CD163L1: variants seen among roughly 807,000 people sequenced by gnomAD.
CD163L1 encodes the protein CD163 molecule like 1.
A neutral mutation model predicts 165.4 loss-of-function variants in CD163L1; 124 were observed. The ratio of observed to expected loss-of-function variants is 0.75; its 90% CI spans 0.65 to 0.87. CD163L1 has a LOEUF of 0.87. CD163L1 is among the 40% of genes least tolerant of loss of function. The probability of loss-of-function intolerance (pLI) is 0.00; values close to 1 mark genes in which losing one functional copy is unlikely to be tolerated. For synonymous variants in CD163L1, 585 were observed against 662.2 expected (o/e 0.88, Z 1.79); for missense variants, 1,525 against 1,799.9 (o/e 0.85, Z 2.76).
chr12:7,340,459 A>T, the CD163L1 span, among the ~76,000 whole-genome samples: 5 of 152,204 alleles, frequency 3.3e-5, no homozygotes. Context: ...TTATAGTGAG[A>T]ATATATAATT....
intron 4 of CD163L1, among the ~76,000 whole-genome samples, chr12:7,429,926 C>A (rs773207834): frequency 6.6e-6 from 1 of 152,316 alleles, no homozygotes; most frequent in African/African-American, 2.4e-5. Context: ...GCTCCCCAGT[C>A]TGAGTACCAG....
intron 19 of CD163L1, among the ~76,000 whole-genome samples, chr12:7,355,535 G>A (rs1322592026): frequency 1.3e-5 from 2 of 152,058 alleles, no homozygotes; most frequent in African/African-American, 4.8e-5. Context: ...GATTAATGAG[G>A]TTTAGACAGA....
chr12:7,363,567 A>G (rs1274522858), intron 18 of CD163L1, among the ~76,000 whole-genome samples: 1 of 152,004 alleles, frequency 6.6e-6, no homozygotes, highest in Non-Finnish European at 1.5e-5. Flanking sequence ...ACTCAAATAA[A>G]TAAAATCAGA....
At chr12:7,384,300 T>C (rs1947471004) in intron 8 of CD163L1, among the ~76,000 whole-genome samples, 1 of 152,048 alleles carries the variant, frequency 6.6e-6, no homozygotes, top group Non-Finnish European at 1.5e-5. Flanking sequence ...TGGGACACCA[T>C]AAGGTGACCA....
rs753347655 is a variant in CD163L1 at position 7,406,622 on chromosome 12, C to G, written c.997G>C (p.Gly333Arg). ...CAGTCCCAAAGAAAAGATTCATTAC[C>G]GGAGCAGGAGACACCATCAAGCCAT... ...VVWLDGVSCS[G>R]NESFLWDCRH... Residue 333 changes from glycine (G) to arginine (R), a missense_variant, in exon 5 of 20, where the codon GGT (glycine) becomes CGT (arginine). Coordinates refer to ENST00000313599, the MANE Select transcript of CD163L1 (RefSeq NM_174941.6). The G allele has an allele frequency of 7.4e-6, 12 of 1,613,894 alleles. No homozygotes were observed. The highest frequency in any genetic ancestry group is 1.3e-5 in the African/African-American group (1 of 74,884).
chr12:7,331,617 C>T, the CD163L1 span, among the ~76,000 whole-genome samples: 37 of 152,310 alleles, frequency 2.4e-4, no homozygotes, highest in Middle Eastern at 6.8e-3. Context: ...GCAGCATTTG[C>T]GGTTCACCAA....
intron 4 of CD163L1, among the ~76,000 whole-genome samples, chr12:7,421,396 ATATATATCTTC>A (rs1948386445): frequency 1.3e-5 from 1 of 79,028 alleles, no homozygotes; most frequent in African/African-American, 6.4e-5. Flanking sequence ...ATATATATGT[ATATATATCTTC>A]CAAATGTATA....
chr12:7,411,946 T>C (rs1304500705), intron 4 of CD163L1, among the ~76,000 whole-genome samples: 1 of 152,198 alleles, frequency 6.6e-6, no homozygotes, highest in Admixed American at 6.5e-5. Context: ...GACACACAGT[T>C]CCCCACTGAT....
At chr12:7,322,069 A>G in the CD163L1 span, among the ~76,000 whole-genome samples, 2 of 152,240 alleles carry the variant, frequency 1.3e-5, no homozygotes, top group Admixed American at 1.3e-4. Context: ...CCCTTACAAC[A>G]TAGCGACTGA....
the CD163L1 span, among the ~76,000 whole-genome samples, chr12:7,323,798 G>C: frequency 6.6e-6 from 1 of 152,126 alleles, no homozygotes; most frequent in Admixed American, 6.5e-5. Flanking sequence ...GGGTGCAGTT[G>C]GGGGGTGCTA....
chr12:7,439,738 G>A, intron 2 of CD163L1: 5 of 1,611,182 alleles, frequency 3.1e-6, no homozygotes, highest in South Asian at 1.1e-5. Context: ...GTCATCCGAT[G>A]TATAGCCTTT....
chr12:7,346,682 A>G (rs1194062650), downstream of CD163L1: 4 of 152,262 alleles, frequency 2.6e-5, no homozygotes, highest in Non-Finnish European at 4.4e-5. Flanking sequence ...TATTTTAAGC[A>G]GGAAGTGGTT....
At chr12:7,437,164 T>TA (rs1222909831) in intron 2 of CD163L1, among the ~76,000 whole-genome samples, 2 of 91,878 alleles carry the variant, frequency 2.2e-5, no homozygotes, top group African/African-American at 1.2e-4. Context: ...CTTTTATTTT[T>TA]ATTAATAGTA....
At chr12:7,320,589 A>G in the CD163L1 span, 4 of 652,670 alleles carry the variant, frequency 6.1e-6, no homozygotes, top group African/African-American at 5.5e-5. Flanking sequence ...AGTAATAAAT[A>G]TTGTTTTCTT....
At chr12:7,426,196 A>C (rs922660687) in intron 4 of CD163L1, among the ~76,000 whole-genome samples, 2 of 152,176 alleles carry the variant, frequency 1.3e-5, no homozygotes, top group Admixed American at 6.5e-5. Context: ...CAAGAACAGA[A>C]AATCAAACAC....
intron 4 of CD163L1, among the ~76,000 whole-genome samples, chr12:7,429,353 C>T (rs986189051): frequency 6.6e-6 from 1 of 151,970 alleles, no homozygotes; most frequent in Non-Finnish European, 1.5e-5. Context: ...AAAACATATC[C>T]GTCCAGATTC....
intron 4 of CD163L1, among the ~76,000 whole-genome samples, chr12:7,349,714 T>C (rs1010328533): frequency 6.6e-6 from 1 of 152,232 alleles, no homozygotes; most frequent in African/African-American, 2.4e-5. Context: ...GCATTTTAAT[T>C]ACTCTACAAA....
At chr12:7,421,606 CATATACATATATGTACAT>C (rs1362154496) in intron 4 of CD163L1, among the ~76,000 whole-genome samples, 4 of 3,664 alleles carry the variant, frequency 1.1e-3, no homozygotes, top group South Asian at 0.014. Context: ...TATATGTACA[CATATACATATATGTACAT>C]ATATACATAT....
At chr12:7,337,097 T>C in the CD163L1 span, among the ~76,000 whole-genome samples, 1 of 152,128 alleles carries the variant, frequency 6.6e-6, no homozygotes, top group African/African-American at 2.4e-5. Context: ...ATAATGATGT[T>C]GGGAAAACTG....
Sources: gnomAD v4.1 joint callset for allele counts (sites outside exome capture counted in the v4.1 genomes callset) on GRCh38, gnomAD v4.1.1 for gene constraint, MANE v1.5 for transcripts, NCBI Gene and HGNC (gene_info 2026-07-23, HGNC 2026-07-21) for gene names.